Variants in SV2C observed in about 807,000 individuals in gnomAD.
SV2C encodes synaptic vesicle glycoprotein 2C, also known as solute carrier family 22 member B3.
SV2C carries 49 observed loss-of-function variants against 79.7 expected under a neutral mutation model. The ratio of observed to expected loss-of-function variants is 0.61; its 90% confidence interval spans 0.49 to 0.78. The LOEUF (loss-of-function observed/expected upper bound fraction) is 0.78, where lower values mean the gene tolerates loss of function less well. Among genes scored for constraint, SV2C ranks in the 30% least tolerant of loss-of-function variants. The pLI, the probability that SV2C is intolerant of heterozygous loss-of-function variation, is 0.00. For missense variants in SV2C, 833 were observed against 912.9 expected (o/e 0.91, Z 1.13); for synonymous variants, 334 against 333.2 (o/e 1.00, Z -0.03).
the SV2C span, among the ~76,000 whole-genome samples, chr5:75,942,292 G>T: frequency 1.3e-5 from 2 of 152,190 alleles, no homozygotes; most frequent in Non-Finnish European, 2.9e-5. Flanking sequence ...GGGTTTCCCT[G>T]AGTTCTATAA....
intron 4 of SV2C, among the ~76,000 whole-genome samples, chr5:76,229,256 AC>A (rs929071099): frequency 3.9e-5 from 6 of 151,938 alleles, no homozygotes; most frequent in Non-Finnish European, 8.8e-5. Context: ...AGTTCTTCCT[AC>A]CCCCATCCAA....
the SV2C span, among the ~76,000 whole-genome samples, chr5:75,949,161 G>A: frequency 1.4e-3 from 216 of 152,010 alleles, no homozygotes; most frequent in Non-Finnish European, 2.3e-3. Context: ...TTCACTTTCT[G>A]CCATGAGTAA....
the SV2C span, among the ~76,000 whole-genome samples, chr5:75,967,987 A>G: frequency 1.3e-5 from 2 of 152,180 alleles, no homozygotes; most frequent in Admixed American, 1.3e-4. Flanking sequence ...CAGAGGAATG[A>G]TAAGGCAGCA....
intron 2 of SV2C, among the ~76,000 whole-genome samples, chr5:76,153,259 A>G (rs1230816195): frequency 6.6e-6 from 1 of 152,108 alleles, no homozygotes; most frequent in African/African-American, 2.4e-5. Flanking sequence ...TTTGGAGGGA[A>G]CTAAGTTGGG....
At chr5:75,888,674 C>T in the SV2C span, among the ~76,000 whole-genome samples, 1 of 152,070 alleles carries the variant, frequency 6.6e-6, no homozygotes, top group African/African-American at 2.4e-5. Context: ...CAACTACTAC[C>T]TGTCTTGGCA....
chr5:76,227,596 C>T (rs779132207), intron 4 of SV2C, among the ~76,000 whole-genome samples: 1 of 152,184 alleles, frequency 6.6e-6, no homozygotes, highest in African/African-American at 2.4e-5. Context: ...GAGCTGAAGT[C>T]TTAGTTATCT....
the SV2C span, among the ~76,000 whole-genome samples, chr5:75,935,611 G>A: frequency 1.3e-5 from 2 of 152,128 alleles, no homozygotes; most frequent in Non-Finnish European, 2.9e-5. Context: ...AAAGCATCAG[G>A]AAGACATAAA....
chr5:76,095,772 G>C (rs1197711717), intron 1 of SV2C, among the ~76,000 whole-genome samples: 1 of 152,052 alleles, frequency 6.6e-6, no homozygotes, highest in Non-Finnish European at 1.5e-5. Context: ...TAACTAGATA[G>C]AATGGTATAT....
chr5:76,038,049 T>A, the SV2C span, among the ~76,000 whole-genome samples: 2 of 152,216 alleles, frequency 1.3e-5, no homozygotes, highest in South Asian at 4.1e-4. Context: ...GAAAGGGAAC[T>A]CCCTGACCCC....
At chr5:76,128,372 C>T (rs997192846) in intron 1 of SV2C, among the ~76,000 whole-genome samples, 1 of 152,024 alleles carries the variant, frequency 6.6e-6, no homozygotes, top group Non-Finnish European at 1.5e-5. Flanking sequence ...ATGTAGAAGA[C>T]AATTTAGAGA....
chr5:76,244,015 C>A (rs542351397), intron 4 of SV2C, among the ~76,000 whole-genome samples: 1 of 152,212 alleles, frequency 6.6e-6, no homozygotes, highest in Non-Finnish European at 1.5e-5. Flanking sequence ...CTTGGAGAGG[C>A]CATCCCTTCC....
chr5:75,967,839 G>A, the SV2C span, among the ~76,000 whole-genome samples: 7 of 152,176 alleles, frequency 4.6e-5, no homozygotes, highest in East Asian at 3.9e-4. Context: ...CTCCCAGCAC[G>A]CAGCTTGAGA....
At chr5:76,237,989 C>CACACACACACACAT (rs371688116) in intron 4 of SV2C, among the ~76,000 whole-genome samples, 7 of 150,054 alleles carry the variant, frequency 4.7e-5, no homozygotes, top group South Asian at 4.2e-4. Flanking sequence ...CACACACACA[C>CACACACACACACAT]ACATACATAC....
chr5:75,885,184 C>T, the SV2C span, among the ~76,000 whole-genome samples: 860 of 152,222 alleles, frequency 5.6e-3, 3 homozygotes, highest in African/African-American at 0.02. Context: ...CCTCCCATCC[C>T]CAAACCCTAA....
At chr5:76,055,982 C>G in the SV2C span, among the ~76,000 whole-genome samples, 1 of 151,930 alleles carries the variant, frequency 6.6e-6, no homozygotes, top group Non-Finnish European at 1.5e-5. Context: ...ATTTGAATAT[C>G]CTGTATTTCT....
intron 12 of SV2C, among the ~76,000 whole-genome samples, chr5:76,350,760 A>G (rs1023402257): frequency 6.6e-6 from 1 of 152,222 alleles, no homozygotes; most frequent in Non-Finnish European, 1.5e-5. Context: ...TCACGCCTGT[A>G]ATCCCAGCAC....
the SV2C span, among the ~76,000 whole-genome samples, chr5:75,970,949 A>G: frequency 3.9e-5 from 6 of 152,242 alleles, no homozygotes; most frequent in Middle Eastern, 3.4e-3. Flanking sequence ...AACCGAATCC[A>G]GCAGCACATC....
intron 4 of SV2C, among the ~76,000 whole-genome samples, chr5:76,278,769 CA>C (rs1747096452): frequency 6.6e-6 from 1 of 152,220 alleles, no homozygotes; most frequent in African/African-American, 2.4e-5. Context: ...CACGATGAGA[CA>C]TTTGGGTTTC....
chr5:76,264,012 T>C (rs1388431852), intron 4 of SV2C, among the ~76,000 whole-genome samples: 8 of 152,140 alleles, frequency 5.3e-5, no homozygotes, highest in Non-Finnish European at 5.9e-5. Flanking sequence ...TCCCTGATAA[T>C]ATCCTGAAGT....
Sources: gnomAD v4.1 joint callset for allele counts (sites outside exome capture counted in the v4.1 genomes callset) on GRCh38, gnomAD v4.1.1 for gene constraint, MANE v1.5 for transcripts, NCBI Gene and HGNC (gene_info 2026-07-23, HGNC 2026-07-21) for gene names.